Variants in IL22 observed in about 807,000 individuals in gnomAD.
IL22 encodes the protein interleukin 22.
IL22 carries 15 observed loss-of-function variants against 15.5 expected under a neutral mutation model. That is an observed-to-expected ratio of 0.97 (90% confidence interval 0.65 to 1.49). IL22 has a LOEUF of 1.49. Among genes scored for constraint, IL22 ranks in the 40% most tolerant of loss-of-function variants. The probability of loss-of-function intolerance (pLI) is 0.00; values close to 1 mark genes in which losing one functional copy is unlikely to be tolerated. For synonymous variants in IL22, 91 were observed against 82.0 expected (o/e 1.11, Z -0.60); for missense variants, 225 against 215.4 (o/e 1.04, Z -0.28).
Position 68,253,330 on chromosome 12 carries a change from C to A in IL22, c.119G>T (p.Cys40Phe). The A allele has an allele frequency of 6.2e-7, 1 of 1,613,800 alleles. No individual in the cohort carries two copies. The highest frequency in any genetic ancestry group is 8.5e-7 in the Non-Finnish European group (1 of 1,179,796). The change falls in exon 2 of 6, where the codon TGC becomes TTC. Residue 40 changes from cysteine (C) to phenylalanine (F), a missense_variant. By Grantham distance (205) the Cys-to-Phe change is radical (BLOSUM62 -2). Transcript: ENST00000538666. Reference protein sequence around the residue: ...GGAAAPISSHCRLDKSNFQQP... With the variant: ...GGAAAPISSHFRLDKSNFQQP... Reference sequence around the variant, plus strand: ...CTGGAAGTTGGACTTGTCAAGCCTGCAGTGGGAGCTGATGGGCGCAGCTGC... The same window carrying A: ...CTGGAAGTTGGACTTGTCAAGCCTGAAGTGGGAGCTGATGGGCGCAGCTGC...
Position 68,248,683 on chromosome 12 carries a change from T to C in IL22, c.*116A>G. The C allele has an allele frequency of 1.3e-6, 1 of 755,940 alleles. No homozygotes were observed. Among genetic ancestry groups the C allele is most frequent in the Non-Finnish European group, 2.2e-6 (1 of 445,350 alleles). The allele number at this position is 755,940 out of a possible 1,614,324, so 46.8% of individuals were successfully genotyped here. A position where few individuals can be genotyped will look rare whatever the true frequency, so the allele number is the denominator to read the frequency against. On this transcript the variant is annotated 3_prime_UTR_variant, in exon 6 of 6. Coordinates refer to ENST00000538666, the MANE Select transcript of IL22 (RefSeq NM_020525.5). ...GGGTTCATTTGGAATCCACCCATCA[T>C]GATGGAGTTTGGCTTCCCATCTTCC...
Position 68,253,422 on chromosome 12 carries a change from G to C in IL22, c.27C>G (p.Ser9Arg). The C allele has an allele frequency of 6.2e-7, 1 of 1,606,590 alleles. No individual in the cohort carries two copies. Among genetic ancestry groups the C allele is most frequent in the Non-Finnish European group, 8.5e-7 (1 of 1,175,606 alleles). The change falls in exon 2 of 6, where the codon AGC becomes AGG. Residue 9 changes from serine (S) to arginine (R), a missense_variant. Ser to Arg is a moderately radical substitution (Grantham distance 110, BLOSUM62 -1). Transcript: ENST00000538666. ...TGGCCAGGGTCCCCATAAGGAAAGA[G>C]CTCACAGATTTCTGCAGGGCGGCCA... MAALQKSV[S>R]SFLMGTLATS...
In IL22 at chr12:68,253,090, G is replaced by GAA. The variant is rs34979529; in HGVS notation, c.186+171_186+172dup. ...GCCAAAATGGAAGGAAGAAGTTCAA[G>GAA]AAAAAAAAAAAAGCCAGATTCCCAA... is the stretch of plus-strand genomic sequence containing the variant. On this transcript the variant is annotated intron_variant, in intron 2 of 5. Transcript: ENST00000538666. 3.0e-3 allele frequency among the ~76,000 whole-genome samples: 421 copies of GAA among 142,588 alleles called. 2 individuals carry two copies. Among genetic ancestry groups the GAA allele is most frequent in the African/African-American group, 8.2e-3 (321 of 39,014 alleles). The allele number at this position is 142,588 out of a possible 152,430, so 93.5% of individuals were successfully genotyped here. A position where few individuals can be genotyped will look rare whatever the true frequency, so the allele number is the denominator to read the frequency against.
intron 3 of IL22, 56 bp from the exon 4 acceptor site, chr12:68,252,703 C>A (rs1315730584): frequency 1.9e-6 from 3 of 1,612,444 alleles, no homozygotes; most frequent in Non-Finnish European, 2.5e-6. Flanking sequence ...AAACCATCAT[C>A]ACCACCACCC....
At chr12:68,253,032 C>T (rs1160725630) in intron 2 of IL22, among the ~76,000 whole-genome samples, 2 of 149,734 alleles carry the variant, frequency 1.3e-5, no homozygotes, top group Non-Finnish European at 3.0e-5. Flanking sequence ...AATGGCCGCT[C>T]TTTGGGAAAA....
rs117936151 is a variant in IL22, at chr12:68,250,430, C to A, written c.462+1083G>T. On this transcript the variant is annotated intron_variant, in intron 5 of 5. Transcript: ENST00000538666. ...AGCCTTCAATTATCAAAGGAAGAAA[C>A]AGTCACACTCATTAAATGATGCTCA... 5.9e-4 allele frequency among the ~76,000 whole-genome samples: 90 copies of A among 152,292 alleles called. 1 individual carries two copies. In the East Asian group the frequency reaches 0.016, roughly 27 times the overall value.
In IL22 at chr12:68,252,776, G is replaced by A. The variant is rs759530419; in HGVS notation, c.240C>T (p.Phe80=). Residue 80 remains phenylalanine (F), a synonymous_variant, in exon 3 of 6, where the codon TTC becomes TTT. Transcript: ENST00000538666. ...AACTGTAGCTTACACTGACTCCGTG[G>A]AACAGTTTCTCCCCAATGAGACGAA... ...TDVRLIGEKL[F]HGVSMSERCY... is the part of the protein sequence containing the mutation. The A allele has an allele frequency of 8.1e-6, 13 of 1,613,870 alleles. No homozygotes were observed. In the South Asian group the frequency reaches 1.2e-4, roughly 15 times the overall value.
At position 68,248,673 on chromosome 12, in the gene IL22, C is replaced by T. The variant is rs1310676437; in HGVS notation, c.*126G>A. On this transcript the variant is annotated 3_prime_UTR_variant, in exon 6 of 6. Coordinates refer to ENST00000538666, the MANE Select transcript of IL22 (RefSeq NM_020525.5). ...ACTAACGCAGGGGTTCATTTGGAATCCACCCATCATGATGGAGTTTGGCTT... is the reference window on the plus strand; with the variant it reads ...ACTAACGCAGGGGTTCATTTGGAATTCACCCATCATGATGGAGTTTGGCTT... The T allele has an allele frequency of 1.3e-5, 9 of 706,838 alleles. No homozygotes were observed. The highest frequency in any genetic ancestry group is 2.2e-5 in the Non-Finnish European group (9 of 409,232). The allele number at this position is 706,838 out of a possible 1,614,324, so 43.8% of individuals were successfully genotyped here.
intron 2 of IL22, among the ~76,000 whole-genome samples, chr12:68,253,051 T>C (rs1869993161): frequency 6.8e-6 from 1 of 147,274 alleles, no homozygotes; most frequent in African/African-American, 2.5e-5. Context: ...AAATTCATCA[T>C]ATGTATCATA....
intron 4 of IL22, 28 bp downstream of exon 4, chr12:68,252,476 G>A (rs769229951): frequency 1.2e-6 from 2 of 1,611,320 alleles, no homozygotes; most frequent in East Asian, 2.2e-5. Context: ...GGAGGGGTAG[G>A]TGGGCATAGG....
At chr12:68,252,133 T>C (rs1286180588) in intron 4 of IL22, among the ~76,000 whole-genome samples, 2 of 152,190 alleles carry the variant, frequency 1.3e-5, no homozygotes, top group Non-Finnish European at 2.9e-5. Flanking sequence ...CTTTCTCTTC[T>C]AATTTCTCTC....
intron 4 of IL22, among the ~76,000 whole-genome samples, 177 bp downstream of exon 4, chr12:68,252,327 C>T (rs1869959563): frequency 6.6e-6 from 1 of 152,154 alleles, no homozygotes; most frequent in Non-Finnish European, 1.5e-5. Flanking sequence ...AGATGTGACT[C>T]AGTCAAAGCA....
chr12:68,249,938 T>C (rs1378332016), intron 5 of IL22, among the ~76,000 whole-genome samples: 1 of 152,204 alleles, frequency 6.6e-6, no homozygotes, highest in Non-Finnish European at 1.5e-5. Flanking sequence ...TAAAGAATTT[T>C]AAAGTTTATC....
chr12:68,248,606 C>T lies in IL22; in HGVS notation c.*193G>A. The T allele has an allele frequency of 1.8e-6, 1 of 541,730 alleles. No individual in the cohort carries two copies. Among genetic ancestry groups the T allele is most frequent in the East Asian group, 2.9e-5 (1 of 34,238 alleles). The allele number at this position is 541,730 out of a possible 1,614,324, so 33.6% of individuals were successfully genotyped here. The stretch of plus-strand genomic sequence containing the variant: ...AAATATCTATGCTTAGAAAGTCTAC[C>T]TTCTGGTCTTATAAACAAAAGTGGC... On this transcript the variant is annotated 3_prime_UTR_variant, in exon 6 of 6. Transcript: ENST00000538666.
chr12:68,249,863 T>C (rs1869867294), intron 5 of IL22, among the ~76,000 whole-genome samples: 1 of 152,202 alleles, frequency 6.6e-6, no homozygotes, highest in South Asian at 2.1e-4. Flanking sequence ...CCTTTCACCT[T>C]TCCATACTTC....
In IL22 at chr12:68,253,506, C is replaced by A; in HGVS notation, c.-46-12G>T. The A allele has an allele frequency of 7.3e-7, 1 of 1,374,984 alleles. No individual in the cohort carries two copies. 85.2% of individuals were successfully genotyped at this position (1,374,984 alleles called of 1,614,324 possible). Reference sequence around the variant, plus strand: ...TGGGGAAGGAGAACCTGGTCGAAGACAACGTGAAGGAACAAAATTAGTCAA... The same window carrying A: ...TGGGGAAGGAGAACCTGGTCGAAGAAAACGTGAAGGAACAAAATTAGTCAA... On this transcript the variant is annotated splice_polypyrimidine_tract_variant and intron_variant, in intron 1 of 5. Coordinates refer to ENST00000538666, the MANE Select transcript of IL22 (RefSeq NM_020525.5).
chr12:68,249,959 G>A (rs1869871678), intron 5 of IL22, among the ~76,000 whole-genome samples: 1 of 151,982 alleles, frequency 6.6e-6, no homozygotes, highest in Non-Finnish European at 1.5e-5. Context: ...GTCCCCTACT[G>A]TCTGTCATGC....
rs1425901340 is a variant in IL22, at chr12:68,248,507, G to A, written c.*292C>T. 9.3e-6 allele frequency: 2 copies of A among 215,394 alleles called. No individual in the cohort carries two copies. The highest frequency in any genetic ancestry group is 5.8e-5 in the Admixed American group (1 of 17,324). The allele number at this position is 215,394 out of a possible 1,614,324, so 13.3% of individuals were successfully genotyped here. ...AGGAATGGAAAGTAATCTTTTTTAT[G>A]GAAAAAGACAATTATTTAAAAAATA... On this transcript the variant is annotated 3_prime_UTR_variant, in exon 6 of 6. Transcript: ENST00000538666.
intron 5 of IL22, among the ~76,000 whole-genome samples, chr12:68,249,815 T>C (rs1365882944): frequency 6.6e-6 from 1 of 152,232 alleles, no homozygotes; most frequent in Non-Finnish European, 1.5e-5. Flanking sequence ...TTGTCCTCTG[T>C]ATAATACATG....
Sources: allele counts gnomAD v4.1 joint callset (sites outside exome capture counted in the v4.1 genomes callset), GRCh38; gene constraint gnomAD v4.1.1; transcripts MANE v1.5; gene names NCBI Gene and HGNC (gene_info 2026-07-23, HGNC 2026-07-21).